Variants in ABCA5 observed in about 807,000 individuals in gnomAD.
ABCA5 encodes cholesterol transporter ABCA5.
Under a neutral mutation model 206.0 loss-of-function variants are expected in ABCA5, and 163 were observed. The observed-to-expected ratio is 0.79, with a 90% CI of 0.70 to 0.90. The LOEUF is 0.90. Among genes scored for constraint, ABCA5 ranks in the 40% least tolerant of loss-of-function variants. The probability of loss-of-function intolerance (pLI) is 0.00; values close to 1 mark genes in which losing one functional copy is unlikely to be tolerated. For missense variants in ABCA5, 1,859 were observed against 1,912.9 expected (o/e 0.97, Z 0.53); for synonymous variants, 609 against 613.8 (o/e 0.99, Z 0.11).
chr17:69,320,002 T>C (rs1329528723), intron 1 of ABCA5, among the ~76,000 whole-genome samples: 1 of 152,208 alleles, frequency 6.6e-6, no homozygotes, highest in Non-Finnish European at 1.5e-5. Context: ...CTAAGTTTTA[T>C]TATCTGTAAA....
In ABCA5 at chr17:69,299,471, T is replaced by TACACACACACACACACAC. The variant is rs71144671; in HGVS notation, c.1267+1650_1267+1667dup. On this transcript the variant is annotated intron_variant, in intron 9 of 38. Coordinates refer to ENST00000392676, the MANE Select transcript of ABCA5 (RefSeq NM_172232.4). The stretch of plus-strand genomic sequence containing the variant: ...AAAATGTGATACACACACACACACA[T>TACACACACACACACACAC]ACACACACACACACACACACACACA... 8.3e-3 allele frequency among the ~76,000 whole-genome samples: 1,188 copies of TACACACACACACACACAC among 142,474 alleles called. 8 individuals are homozygous for TACACACACACACACACAC. Among genetic ancestry groups the TACACACACACACACACAC allele is most frequent in the Non-Finnish European group, 0.012 (782 of 65,688 alleles). 93.5% of individuals were successfully genotyped at this position (142,474 alleles called of 152,430 possible). A position where few individuals can be genotyped will look rare whatever the true frequency, so the allele number is the denominator to read the frequency against.
chr17:69,294,814 G>A, intron 10 of ABCA5, 101 bp from the exon 11 acceptor site: 3 of 646,028 alleles, frequency 4.6e-6, no homozygotes, highest in Non-Finnish European at 7.4e-6. Flanking sequence ...CATTTTATAA[G>A]AATAATAAAA....
At chr17:69,294,797 G>T in intron 10 of ABCA5, 84 bp from the exon 11 acceptor site, 1 of 786,512 alleles carries the variant, frequency 1.3e-6, no homozygotes. Context: ...TTTTATCAAT[G>T]CTATCACATT....
intron 23 of ABCA5, among the ~76,000 whole-genome samples, chr17:69,266,719 A>G (rs1166441029): frequency 6.7e-6 from 1 of 149,234 alleles, no homozygotes; most frequent in African/African-American, 2.4e-5. Flanking sequence ...ATGGATTTCT[A>G]TATTCCTTAT....
At chr17:69,250,714 C>A (rs1043700862) in intron 35 of ABCA5, 93 bp from the exon 36 acceptor site, 5 of 896,992 alleles carry the variant, frequency 5.6e-6, no homozygotes, top group South Asian at 2.0e-5. Context: ...AAAAAATATA[C>A]CTTTATATTT....
chr17:69,249,693 G>A, intron 37 of ABCA5: 3 of 540,722 alleles, frequency 5.5e-6, no homozygotes, highest in Non-Finnish European at 9.4e-6. Flanking sequence ...TAGATTAAAT[G>A]AATAAAAGGT....
intron 35 of ABCA5, 44 bp downstream of exon 35, chr17:69,251,703 C>T (rs776417713): frequency 1.9e-6 from 3 of 1,572,414 alleles, no homozygotes; most frequent in Non-Finnish European, 2.6e-6. Flanking sequence ...CAAAATCCAA[C>T]CCCCAACCTC....
intron 25 of ABCA5, 146 bp downstream of exon 25, chr17:69,261,489 C>CA (rs1431186537): frequency 1.6e-6 from 1 of 612,442 alleles, no homozygotes; most frequent in Non-Finnish European, 2.8e-6. Context: ...ATTCAGAAGA[C>CA]AAATGTACAC....
intron 8 of ABCA5, among the ~76,000 whole-genome samples, chr17:69,301,761 T>C (rs1053560274): frequency 6.6e-6 from 1 of 152,182 alleles, no homozygotes; most frequent in African/African-American, 2.4e-5. Flanking sequence ...TAGATATTTG[T>C]GATAGCATGG....
intron 7 of ABCA5, 71 bp from the exon 8 acceptor site, chr17:69,302,977 C>T (rs2075668055): frequency 1.3e-6 from 1 of 783,422 alleles, no homozygotes. Context: ...TTAAAGTTTG[C>T]TTCTGAAAGA....
intron 28 of ABCA5, among the ~76,000 whole-genome samples, chr17:69,257,353 C>CAAAAAAA (rs542087331): frequency 1.8e-4 from 10 of 54,936 alleles, no homozygotes; most frequent in African/African-American, 2.0e-4. Context: ...GATTCCATCT[C>CAAAAAAA]AAAAAAAAAA....
At chr17:69,255,432 C>A in intron 31 of ABCA5, 111 bp downstream of exon 31, 1 of 653,990 alleles carries the variant, frequency 1.5e-6, no homozygotes, top group South Asian at 4.3e-5. Flanking sequence ...ACAAAAAATT[C>A]TAAAAATATA....
In ABCA5 at chr17:69,303,802, A is replaced by ATG. The variant is rs2075680601; in HGVS notation, c.930+866_930+867insCA. Reference sequence around the variant, plus strand: ...AAAAAAAAAATATATATATATATATATATATACATACATATATATATATGT... The same window carrying ATG: ...AAAAAAAAAATATATATATATATATATGTATATACATACATATATATATATGT... On this transcript the variant is annotated intron_variant, in intron 7 of 38. Transcript: ENST00000392676. Among the ~76,000 whole-genome samples the ATG allele has an allele frequency of 8.0e-4, 6 of 7,514 alleles. 1 individual carries two copies. Among genetic ancestry groups the ATG allele is most frequent in the Admixed American group, 5.2e-3 (1 of 192 alleles). 4.9% of individuals were successfully genotyped at this position (7,514 alleles called of 152,430 possible).
intron 35 of ABCA5, chr17:69,251,201 T>A (rs2075009511): frequency 6.5e-6 from 1 of 153,272 alleles, no homozygotes; most frequent in African/African-American, 2.4e-5. Flanking sequence ...CATCGTTTAG[T>A]TAAGGTAGTA....
chr17:69,250,369 G>T, intron 36 of ABCA5, 103 bp downstream of exon 36: 2 of 867,630 alleles, frequency 2.3e-6, no homozygotes, highest in Non-Finnish European at 1.7e-6. Flanking sequence ...ATATATATAT[G>T]GTCTATGAAT....
Position 69,271,207 on chromosome 17 carries a change from G to A in ABCA5, c.2847C>T (p.Ser949=), listed in dbSNP as rs148120656. 1,026 of 1,613,262 alleles carry A rather than the reference G, an allele frequency of 6.4e-4. 3 individuals carry two copies. The highest frequency in any genetic ancestry group is 2.3e-3 in the South Asian group (210 of 90,978). Residue 949 remains serine (S), a synonymous_variant, in exon 21 of 39, where the codon TCC becomes TCT. Transcript: ENST00000392676. ...TTAAAGCCGCACTATGGGGAGCCACGGATACATAGTCACTGTCATTAATCA... is the reference window on the plus strand; with the variant it reads ...TTAAAGCCGCACTATGGGGAGCCACAGATACATAGTCACTGTCATTAATCA... ...VTMINDSDYV[S]VAPHSAALNV... is the part of the protein sequence containing the mutation.
intron 24 of ABCA5, among the ~76,000 whole-genome samples, chr17:69,264,439 GA>G (rs1455096617): frequency 2.6e-5 from 4 of 152,118 alleles, no homozygotes; most frequent in African/African-American, 9.7e-5. Flanking sequence ...AAAAACGAAG[GA>G]AGGCATTTTA....
At chr17:69,262,304 A>T (rs1186761601) in intron 24 of ABCA5, among the ~76,000 whole-genome samples, 1 of 152,070 alleles carries the variant, frequency 6.6e-6, no homozygotes, top group Admixed American at 6.6e-5. Flanking sequence ...CATGATGCTG[A>T]GGTTTGGGGT....
At chr17:69,314,007 G>C (rs1365761075) in intron 2 of ABCA5, among the ~76,000 whole-genome samples, 2 of 152,066 alleles carry the variant, frequency 1.3e-5, no homozygotes, top group African/African-American at 4.8e-5. Flanking sequence ...TAAAACTCTG[G>C]AATCAAAGTT....
Sources: allele counts gnomAD v4.1 joint callset (sites outside exome capture counted in the v4.1 genomes callset), GRCh38; gene constraint gnomAD v4.1.1; transcripts MANE v1.5; gene names NCBI Gene and HGNC (gene_info 2026-07-23, HGNC 2026-07-21).